The following RIMOC1 variants were observed in gnomAD, a reference collection of about 807,000 sequenced individuals.
RIMOC1 encodes the protein RAB7A-interacting MON1-CCZ1 complex subunit 1.
the RIMOC1 span, chr5:41,909,993 T>G: frequency 1.0e-6 from 1 of 973,522 alleles, no homozygotes; most frequent in Non-Finnish European, 1.5e-6. Flanking sequence ...TATCTTTGTT[T>G]CTTAAATTAA....
the RIMOC1 span, among the ~76,000 whole-genome samples, chr5:41,908,742 G>A: frequency 6.6e-6 from 1 of 151,950 alleles, no homozygotes; most frequent in Non-Finnish European, 1.5e-5. Flanking sequence ...TTTTTTTCAC[G>A]AGAGTGTTCC....
At chr5:41,918,189 G>A in the RIMOC1 span, 4 of 985,812 alleles carry the variant, frequency 4.1e-6, no homozygotes, top group Admixed American at 6.1e-5. Context: ...TGATACCTTG[G>A]ACTTCTGCCC....
At chr5:41,917,314 C>A in the RIMOC1 span, 3 of 1,569,338 alleles carry the variant, frequency 1.9e-6, no homozygotes, top group East Asian at 6.8e-5. Flanking sequence ...TTCATCTAGT[C>A]CTTTTCAAAT....
At chr5:41,907,679 G>T in the RIMOC1 span, 4 of 1,060,530 alleles carry the variant, frequency 3.8e-6, no homozygotes, top group African/African-American at 1.6e-5. Flanking sequence ...TGTGTTTTTT[G>T]TTTAAATAAC....
chr5:41,911,993 G>C, the RIMOC1 span: 1 of 920,298 alleles, frequency 1.1e-6, no homozygotes, highest in South Asian at 1.4e-5. Flanking sequence ...AGTAAAGAAT[G>C]GAAAATATTA....
At chr5:41,917,148 C>T in the RIMOC1 span, 1 of 1,613,704 alleles carries the variant, frequency 6.2e-7, no homozygotes, top group Non-Finnish European at 8.5e-7. Context: ...GCGGGCTGCA[C>T]TACATACAAG....
chr5:41,907,690 A>G, the RIMOC1 span: 2 of 1,201,396 alleles, frequency 1.7e-6, no homozygotes, highest in African/African-American at 1.5e-5. Context: ...TTTAAATAAC[A>G]CTCTGAAACT....
At chr5:41,916,522 G>A in the RIMOC1 span, 1 of 911,186 alleles carries the variant, frequency 1.1e-6, no homozygotes, top group Non-Finnish European at 1.3e-6. Flanking sequence ...GATTATGCAT[G>A]ATAATTTCTT....
At chr5:41,912,168 A>G in the RIMOC1 span, 83 of 1,594,990 alleles carry the variant, frequency 5.2e-5, no homozygotes, top group Non-Finnish European at 6.7e-5. Flanking sequence ...AGACACAGCT[A>G]AATTACTGAG....
chr5:41,909,773 G>C, the RIMOC1 span: 1 of 1,547,114 alleles, frequency 6.5e-7, no homozygotes. Flanking sequence ...ATATTTTGAG[G>C]AGAACAAGCT....
chr5:41,914,950 GA>G, the RIMOC1 span, among the ~76,000 whole-genome samples: 1 of 152,114 alleles, frequency 6.6e-6, no homozygotes, highest in African/African-American at 2.4e-5. Flanking sequence ...CATTTAGGGA[GA>G]AAAGTTCTAT....
At chr5:41,905,396 C>G in the RIMOC1 span, among the ~76,000 whole-genome samples, 1 of 152,142 alleles carries the variant, frequency 6.6e-6, no homozygotes, top group African/African-American at 2.4e-5. Flanking sequence ...TGGAGCCCCT[C>G]TAGTAGTGGG....
At chr5:41,916,790 ACT>A in the RIMOC1 span, among the ~76,000 whole-genome samples, 1 of 152,106 alleles carries the variant, frequency 6.6e-6, no homozygotes, top group African/African-American at 2.4e-5. Flanking sequence ...ATTCTCTGGT[ACT>A]CTGTTTTTCT....
the RIMOC1 span, chr5:41,911,000 A>G: frequency 6.3e-7 from 1 of 1,582,300 alleles, no homozygotes; most frequent in Non-Finnish European, 8.5e-7. Flanking sequence ...CAACTTTTAT[A>G]GACATCCAGT....
At chr5:41,918,766 A>G in the RIMOC1 span, 5 of 984,926 alleles carry the variant, frequency 5.1e-6, no homozygotes, top group Admixed American at 1.8e-4. Context: ...CCCCTAGCAT[A>G]TGGCTCTTTC....
At chr5:41,914,767 C>T in the RIMOC1 span, among the ~76,000 whole-genome samples, 38 of 152,014 alleles carry the variant, frequency 2.5e-4, no homozygotes, top group Middle Eastern at 3.4e-3. Context: ...GAGACCCTGT[C>T]TGAGAAAAAA....
chr5:41,916,557 C>A, the RIMOC1 span: 1 of 711,012 alleles, frequency 1.4e-6, no homozygotes, highest in Non-Finnish European at 1.7e-6. Flanking sequence ...TATAAGAGGT[C>A]TAGGATACTT....
the RIMOC1 span, among the ~76,000 whole-genome samples, chr5:41,910,513 G>A: frequency 6.6e-6 from 1 of 151,722 alleles, no homozygotes; most frequent in African/African-American, 2.4e-5. Context: ...ACTCTTTGAA[G>A]CAAATAATTT....
chr5:41,904,416 G>T, the RIMOC1 span: 1 of 1,614,152 alleles, frequency 6.2e-7, no homozygotes, highest in South Asian at 1.1e-5. Context: ...AGAGCTCGGG[G>T]ATCTGGCTCA....
Sources: allele counts gnomAD v4.1 joint callset (sites outside exome capture counted in the v4.1 genomes callset), GRCh38; gene constraint gnomAD v4.1.1; transcripts MANE v1.5; gene names NCBI Gene and HGNC (gene_info 2026-07-23, HGNC 2026-07-21).